The following ADAM12 variants were observed in gnomAD, a reference collection of about 807,000 sequenced individuals.
ADAM12 encodes disintegrin and metalloproteinase domain-containing protein 12.
Under a neutral mutation model 106.4 loss-of-function variants are expected in ADAM12, and 70 were observed. The ratio of observed to expected loss-of-function variants is 0.66; its 90% confidence interval spans 0.54 to 0.80. ADAM12 has a LOEUF of 0.80. Among genes scored for constraint, ADAM12 ranks in the 30% least tolerant of loss-of-function variants. The probability of loss-of-function intolerance (pLI) is 0.00; values close to 1 mark genes in which losing one functional copy is unlikely to be tolerated. For missense variants in ADAM12, 1,010 were observed against 1,171.9 expected, an observed-to-expected ratio of 0.86 and a Z score of 2.02; for synonymous variants, 420 against 433.5, an observed-to-expected ratio of 0.97 and a Z score of 0.39.
At chr10:126,194,863 C>T (rs2133809742) in intron 3 of ADAM12, among the ~76,000 whole-genome samples, 1 of 152,302 alleles carries the variant, frequency 6.6e-6, no homozygotes, top group East Asian at 1.9e-4. Flanking sequence ...ATCTTCAAAA[C>T]TTTGTCTCAA....
In ADAM12 at chr10:126,349,169, T is replaced by A. The variant is rs752115026; in HGVS notation, c.89-18660A>T. Among the ~76,000 whole-genome samples, 150 of 152,164 alleles carry A rather than the reference T, an allele frequency of 9.9e-4. 1 individual carries two copies. The highest frequency in any genetic ancestry group is 2.4e-3 in the Admixed American group (37 of 15,286). On this transcript the variant is annotated intron_variant, in intron 1 of 22. Coordinates refer to ENST00000448723, the MANE Select transcript of ADAM12 (RefSeq NM_001288973.2). ...GTGACATATTTGAGGGGGAAAAGGA[T>A]CCTATGCTCACTGGAGAACACACCT...
At position 126,106,485 on chromosome 10, in the gene ADAM12, T is replaced by A. The variant is rs1955770853; in HGVS notation, c.741+2108A>T. Among the ~76,000 whole-genome samples, 3 of 128,630 alleles carry A rather than the reference T, an allele frequency of 2.3e-5. No homozygotes were observed. The South Asian group carries it at 7.7e-4, about 33-fold the overall frequency. 84.4% of individuals were successfully genotyped at this position (128,630 alleles called of 152,430 possible). A position where few individuals can be genotyped will look rare whatever the true frequency, so the allele number is the denominator to read the frequency against. On this transcript the variant is annotated intron_variant, in intron 8 of 22. Transcript: ENST00000448723. ...CTTTATCCCTTCTTTTTCTTCTTCTTCTTTTTTTTTTTTTTTTTTGAGATG... is the reference window on the plus strand; with the variant it reads ...CTTTATCCCTTCTTTTTCTTCTTCTACTTTTTTTTTTTTTTTTTTGAGATG...
intron 1 of ADAM12, among the ~76,000 whole-genome samples, chr10:126,339,746 G>A (rs1012092104): frequency 6.6e-6 from 1 of 152,092 alleles, no homozygotes; most frequent in African/African-American, 2.4e-5. Flanking sequence ...CAGAGAGGGA[G>A]GAGCAGAAGT....
chr10:126,039,508 G>C (rs1329500278), intron 18 of ADAM12, 79 bp from the exon 19 acceptor site: 10 of 1,561,386 alleles, frequency 6.4e-6, no homozygotes, highest in Non-Finnish European at 8.8e-6. Flanking sequence ...GACGTTTATG[G>C]CAAAGTGAAC....
chr10:126,158,231 G>A (rs1956855054), intron 3 of ADAM12, among the ~76,000 whole-genome samples: 1 of 152,098 alleles, frequency 6.6e-6, no homozygotes, highest in Non-Finnish European at 1.5e-5. Flanking sequence ...AGAGCACGGG[G>A]TAATGCACAC....
chr10:126,163,799 G>A (rs1266604591), intron 3 of ADAM12, among the ~76,000 whole-genome samples: 1 of 152,160 alleles, frequency 6.6e-6, no homozygotes, highest in Non-Finnish European at 1.5e-5. Context: ...GAGCTAAAAA[G>A]CAGAAACAAC....
At chr10:126,379,104 T>G (rs1856402151) in intron 1 of ADAM12, among the ~76,000 whole-genome samples, 1 of 152,116 alleles carries the variant, frequency 6.6e-6, no homozygotes, top group Non-Finnish European at 1.5e-5. Context: ...GAGTGTAAAT[T>G]AGTTCAACCA....
chr10:126,240,990 T>C (rs545169519), intron 3 of ADAM12, among the ~76,000 whole-genome samples: 1 of 152,308 alleles, frequency 6.6e-6, no homozygotes, highest in East Asian at 1.9e-4. Context: ...CAGTAACAGA[T>C]GAATGGGGCA....
intron 3 of ADAM12, among the ~76,000 whole-genome samples, chr10:126,250,438 C>T (rs146176708): frequency 6.6e-6 from 1 of 152,254 alleles, no homozygotes; most frequent in Non-Finnish European, 1.5e-5. Flanking sequence ...TAATAATGAA[C>T]ATTTTTAGGC....
In ADAM12 at chr10:126,215,926, A is replaced by G. The variant is rs115839661; in HGVS notation, c.261-60621T>C. On this transcript the variant is annotated intron_variant, in intron 3 of 22. Coordinates refer to ENST00000448723, the MANE Select transcript of ADAM12 (RefSeq NM_001288973.2). Reference sequence around the variant, plus strand: ...CACGAGTTGCCCTTGTTTTCTGGCTAAAGGCTTTATGCTTGCATTCCTTGA... The same window carrying G: ...CACGAGTTGCCCTTGTTTTCTGGCTGAAGGCTTTATGCTTGCATTCCTTGA... 9.2e-3 allele frequency among the ~76,000 whole-genome samples: 1,398 copies of G among 152,268 alleles called. 18 individuals are homozygous for G. The highest frequency in any genetic ancestry group is 0.032 in the African/African-American group (1,334 of 41,528).
chr10:126,237,247 G>A (rs1958436536), intron 3 of ADAM12, among the ~76,000 whole-genome samples: 1 of 152,020 alleles, frequency 6.6e-6, no homozygotes, highest in Non-Finnish European at 1.5e-5. Context: ...GAACTCTATG[G>A]GAATCTTTTG....
chr10:126,148,963 T>C (rs1205694873), intron 4 of ADAM12, among the ~76,000 whole-genome samples: 1 of 152,108 alleles, frequency 6.6e-6, no homozygotes, highest in Non-Finnish European at 1.5e-5. Context: ...TCTCACCCAC[T>C]ACTGACCTCA....
At chr10:126,227,877 G>A (rs1389494873) in intron 3 of ADAM12, among the ~76,000 whole-genome samples, 2 of 152,220 alleles carry the variant, frequency 1.3e-5, no homozygotes, top group Non-Finnish European at 2.9e-5. Context: ...GGACAGTGAG[G>A]AGGGAGCTGA....
chr10:126,052,621 A>G (rs1710287), intron 14 of ADAM12, among the ~76,000 whole-genome samples: 108,725 of 152,010 alleles, frequency 0.72, 40,502 homozygotes, highest in East Asian at 0.93. Flanking sequence ...AGAGTTGGAC[A>G]AGGTTGGACT....
chr10:126,259,937 G>C (rs1407943433), intron 3 of ADAM12, among the ~76,000 whole-genome samples: 1 of 152,182 alleles, frequency 6.6e-6, no homozygotes, highest in Admixed American at 6.5e-5. Flanking sequence ...CTGTCACATG[G>C]GAGTTTGGTC....
chr10:126,095,466 G>A (rs199521714), intron 10 of ADAM12, among the ~76,000 whole-genome samples: 3 of 149,376 alleles, frequency 2.0e-5, no homozygotes, highest in East Asian at 4.0e-4. Context: ...CCCGGGAGGC[G>A]GAGCTTGCAG....
chr10:126,084,338 T>C (rs1401200890), intron 11 of ADAM12, among the ~76,000 whole-genome samples: 1 of 152,134 alleles, frequency 6.6e-6, no homozygotes, highest in African/African-American at 2.4e-5. Flanking sequence ...ACAGTGTCCA[T>C]ATTAAAAGGA....
chr10:126,374,389 TTAAA>T (rs1318893092), intron 1 of ADAM12, among the ~76,000 whole-genome samples: 4 of 152,042 alleles, frequency 2.6e-5, no homozygotes, highest in African/African-American at 9.7e-5. Context: ...CCTAAGAACT[TTAAA>T]TAATAACCTG....
At chr10:126,135,914 C>T (rs984602396) in intron 4 of ADAM12, among the ~76,000 whole-genome samples, 1 of 152,228 alleles carries the variant, frequency 6.6e-6, no homozygotes, top group Non-Finnish European at 1.5e-5. Context: ...TGGCACCCTA[C>T]AGGAAAGCCC....
Sources: allele counts gnomAD v4.1 joint callset (sites outside exome capture counted in the v4.1 genomes callset), GRCh38; gene constraint gnomAD v4.1.1; transcripts MANE v1.5; gene names NCBI Gene and HGNC (gene_info 2026-07-23, HGNC 2026-07-21).